The following HINFP variants were observed in gnomAD, a reference collection of about 807,000 sequenced individuals.
HINFP encodes MBD2 (methyl-CpG-binding protein)-interacting zinc finger protein.
HINFP carries 20 observed loss-of-function variants against 50.1 expected under a neutral mutation model. That is an observed-to-expected ratio of 0.40 (90% CI 0.28 to 0.58). HINFP has a LOEUF of 0.58. Among genes scored for constraint, HINFP ranks in the 20% least tolerant of loss-of-function variants. The pLI, the probability that HINFP is intolerant of heterozygous loss-of-function variation, is 0.45. For synonymous variants in HINFP, 247 were observed against 243.7 expected, an observed-to-expected ratio of 1.01 and a Z score of -0.13; for missense variants, 505 against 664.1, an observed-to-expected ratio of 0.76 and a Z score of 2.63.
intron 2 of HINFP, among the ~76,000 whole-genome samples, chr11:119,129,570 C>T (rs1219852884): frequency 2.0e-5 from 3 of 150,856 alleles, no homozygotes; most frequent in East Asian, 1.9e-4. Context: ...ATGCCACTCT[C>T]CTGCCTCAGC....
rs888118221 is a variant in HINFP, at chr11:119,135,250, C to T, written c.*752C>T. 6.6e-6 allele frequency: 1 copy of T among 152,238 alleles called. No homozygotes were observed. The highest frequency in any genetic ancestry group is 6.5e-5 in the Admixed American group (1 of 15,272). 9.4% of individuals were successfully genotyped at this position (152,238 alleles called of 1,614,324 possible). ...GCTATTCTCAGAGCGTATGCCATTT[C>T]CATGGAGGTCCCAGGTGTTTGGCTG... On this transcript the variant is annotated 3_prime_UTR_variant, in exon 10 of 10. Transcript: ENST00000350777.
intron 1 of HINFP, among the ~76,000 whole-genome samples, chr11:119,123,300 A>G (rs935850013): frequency 2.6e-5 from 4 of 152,100 alleles, no homozygotes; most frequent in Non-Finnish European, 5.9e-5. Context: ...GATTGGAATG[A>G]GGGTGCTCTT....
chr11:119,128,140 C>T (rs1947524661), intron 2 of HINFP, among the ~76,000 whole-genome samples: 1 of 152,100 alleles, frequency 6.6e-6, no homozygotes, highest in Non-Finnish European at 1.5e-5. Flanking sequence ...GCGTGAGCCA[C>T]CGCACCTGGC....
chr11:119,126,931 C>G lies in HINFP; in HGVS notation c.-10-4C>G. On this transcript the variant is annotated splice_region_variant and splice_polypyrimidine_tract_variant and intron_variant, in intron 1 of 9. Coordinates refer to ENST00000350777, the MANE Select transcript of HINFP (RefSeq NM_198971.3). ...CAGCTGTGGATTTCTTCCTCTTCCT[C>G]TAGGGTGAAGGCCATGCCGCCTCCT... 6.2e-7 allele frequency: 1 copy of G among 1,605,798 alleles called. No homozygotes were observed. The highest frequency in any genetic ancestry group is 8.5e-7 in the Non-Finnish European group (1 of 1,175,966).
rs915472749 is a variant in HINFP, at chr11:119,127,120, C to T, written c.176C>T (p.Pro59Leu). 5 of 1,609,272 alleles carry T rather than the reference C, an allele frequency of 3.1e-6. No homozygotes were observed. In the Admixed American group the frequency reaches 8.4e-5, roughly 27 times the overall value. ...GAGGAAGAGGAAGAGGAGGATGACC[C>T]ACTTGGTAAGAGAGCAGGACACAGG... ...EEEEEEEEDD[P>L]LEEEFSCLWQ... is the part of the protein sequence containing the mutation. The change falls in exon 2 of 10, where the codon CCA becomes CTA. Residue 59 changes from proline (P) to leucine (L), a missense_variant. Transcript: ENST00000350777.
At chr11:119,128,713 A>G (rs1170336366) in intron 2 of HINFP, among the ~76,000 whole-genome samples, 2 of 151,346 alleles carry the variant, frequency 1.3e-5, no homozygotes, top group Non-Finnish European at 2.9e-5. Flanking sequence ...TATTATTATT[A>G]TTTTTAGATG....
intron 5 of HINFP, 75 bp from the exon 6 acceptor site, chr11:119,132,421 G>A: frequency 2.0e-6 from 3 of 1,484,072 alleles, no homozygotes; most frequent in Non-Finnish European, 9.4e-7. Context: ...TTCTGCCTGG[G>A]ATGGTTCCCC....
intron 2 of HINFP, 142 bp from the exon 3 acceptor site, chr11:119,130,583 T>C (rs1947695795): frequency 1.5e-6 from 1 of 662,626 alleles, no homozygotes; most frequent in Non-Finnish European, 2.6e-6. Context: ...TACTGGTATT[T>C]GCTAAATGAA....
At position 119,134,273 on chromosome 11, in the gene HINFP, G is replaced by C. The variant is rs201338851; in HGVS notation, c.1329G>C (p.Glu443Asp). Residue 443 changes from glutamate to aspartate, a missense_variant, in exon 10 of 10, where the codon GAG (glutamate) becomes GAC (aspartate). Glu to Asp is a conservative substitution (Grantham distance 45, BLOSUM62 2). Transcript: ENST00000350777. The surrounding 1 kb of genome is among the most constrained non-coding windows in gnomAD (Gnocchi z 4.3). Reference sequence around the variant, plus strand: ...AGCCAGGACGTAAGGAAGAGGAAGAGGAGGGCAAGGGTAGCGAAGGGACAG... The same window carrying C: ...AGCCAGGACGTAAGGAAGAGGAAGACGAGGGCAAGGGTAGCGAAGGGACAG... The part of the protein sequence containing the change: ...PGEPGRKEEE[E>D]EGKGSEGTAL... The C allele has an allele frequency of 1.1e-5, 18 of 1,613,964 alleles. No individual in the cohort carries two copies. The highest frequency in any genetic ancestry group is 1.4e-5 in the Non-Finnish European group (17 of 1,179,932).
intron 2 of HINFP, among the ~76,000 whole-genome samples, chr11:119,128,303 G>A (rs1245319556): frequency 6.6e-6 from 1 of 151,906 alleles, no homozygotes; most frequent in Non-Finnish European, 1.5e-5. Context: ...AAGTATTGCT[G>A]GGTACTTTAT....
In HINFP at chr11:119,134,404, C is replaced by T; in HGVS notation, c.1460C>T (p.Pro487Leu). 6.2e-7 allele frequency: 1 copy of T among 1,614,192 alleles called. No homozygotes were observed. The highest frequency in any genetic ancestry group is 2.2e-5 in the East Asian group (1 of 44,882). The change falls in exon 10 of 10, where the codon CCA becomes CTA. Residue 487 changes from proline (P) to leucine (L), a missense_variant. Pro to Leu is a moderately conservative substitution (Grantham distance 98, BLOSUM62 -3). Coordinates refer to ENST00000350777, the MANE Select transcript of HINFP (RefSeq NM_198971.3). The surrounding 1 kb of genome is among the most constrained non-coding windows in gnomAD (Gnocchi z 4.3). ...EIVYYVLSEA[P>L]GEPPPAPEPP... ...GTCTACTATGTGCTGTCTGAAGCCC[C>T]AGGGGAGCCTCCCCCAGCCCCTGAG...
chr11:119,126,908 G>T (rs1471607201), intron 1 of HINFP, 27 bp from the exon 2 acceptor site: 6 of 1,577,084 alleles, frequency 3.8e-6, no homozygotes, highest in Non-Finnish European at 5.2e-6. Context: ...AATTCTTGCA[G>T]CTGTGGATTT....
At chr11:119,130,987 G>A (rs757948748) in intron 3 of HINFP, 33 bp downstream of exon 3, 2 of 1,557,250 alleles carry the variant, frequency 1.3e-6, no homozygotes, top group South Asian at 1.1e-5. Flanking sequence ...TGGGGTGGAA[G>A]GAAGCTGGGG....
intron 9 of HINFP, 162 bp from the exon 10 acceptor site, chr11:119,133,922 T>C: frequency 1.1e-6 from 1 of 876,010 alleles, no homozygotes; most frequent in Non-Finnish European, 1.7e-6. Flanking sequence ...TCTTGCCTTT[T>C]CTTCTACATA....
Position 119,134,781 on chromosome 11 carries a change from C to A in HINFP, c.*283C>A. The A allele has an allele frequency of 3.0e-6, 1 of 337,188 alleles. No individual in the cohort carries two copies. The highest frequency in any genetic ancestry group is 5.5e-6 in the Non-Finnish European group (1 of 182,806). 20.9% of individuals were successfully genotyped at this position (337,188 alleles called of 1,614,324 possible). A position where few individuals can be genotyped will look rare whatever the true frequency, so the allele number is the denominator to read the frequency against. ...GGCTGTTATCAGGCTTAACCATAAC[C>A]CTCAAGATCTGCTTGACAGTGATTA... On this transcript the variant is annotated 3_prime_UTR_variant, in exon 10 of 10. Transcript: ENST00000350777. This position sits in a 1 kb window ranked among gnomAD's most constrained non-coding sequence, Gnocchi z 4.3.
intron 1 of HINFP, among the ~76,000 whole-genome samples, chr11:119,122,294 C>T (rs1319837658): frequency 6.6e-6 from 1 of 152,164 alleles, no homozygotes; most frequent in African/African-American, 2.4e-5. Flanking sequence ...CATTCTGTAT[C>T]GCCAGCTAGC....
At position 119,131,727 on chromosome 11, in the gene HINFP, C is replaced by T; in HGVS notation, c.523+81C>T. 6.3e-7 allele frequency: 1 copy of T among 1,591,308 alleles called. No homozygotes were observed. The highest frequency in any genetic ancestry group is 8.6e-7 in the Non-Finnish European group (1 of 1,160,308). ...GCTGGGACAGAAAGGGATAGGGGTC[C>T]TACAGGGGCAAGGTTGACTGCCGGC... On this transcript the variant is annotated intron_variant, in intron 4 of 9. Transcript: ENST00000350777. This position sits in a 1 kb window ranked among gnomAD's most constrained non-coding sequence, Gnocchi z 4.2.
chr11:119,132,181 A>G, intron 5 of HINFP, 199 bp downstream of exon 5: 1 of 636,206 alleles, frequency 1.6e-6, no homozygotes, highest in Non-Finnish European at 2.7e-6. Context: ...ACCTCGTATC[A>G]GTTACTTAGG....
Position 119,131,586 on chromosome 11 carries a change from C to T in HINFP, c.463C>T (p.Leu155=). The T allele has an allele frequency of 1.2e-6, 2 of 1,614,120 alleles. No homozygotes were observed. The highest frequency in any genetic ancestry group is 1.7e-6 in the Non-Finnish European group (2 of 1,179,956). ...TTATCGGCATGTGGAAGCACACAGTCTGTGCTGTGAATACGAAGCAGTCGG... is the reference window on the plus strand; with the variant it reads ...TTATCGGCATGTGGAAGCACACAGTTTGTGCTGTGAATACGAAGCAGTCGG... ...WFYRHVEAHS[L]CCEYEAVGKD... is the part of the protein sequence containing the mutation. The change falls in exon 4 of 10, where the codon CTG becomes TTG. Residue 155 remains leucine, a synonymous_variant. Transcript: ENST00000350777. The surrounding 1 kb of genome is among the most constrained non-coding windows in gnomAD (Gnocchi z 4.2).
Sources: allele counts gnomAD v4.1 joint callset (sites outside exome capture counted in the v4.1 genomes callset), GRCh38; gene constraint gnomAD v4.1.1; non-coding constraint Gnocchi (gnomAD v3.1); transcripts MANE v1.5; gene names NCBI Gene and HGNC (gene_info 2026-07-23, HGNC 2026-07-21).